BBX: variants seen among roughly 807,000 people sequenced by gnomAD.
BBX encodes BBX high mobility group box domain containing.
BBX carries 30 observed loss-of-function variants against 100.2 expected under a neutral mutation model. That is an observed-to-expected ratio of 0.30 (90% CI 0.22 to 0.41). The LOEUF is 0.41. BBX is among the 10% of genes least tolerant of loss of function. BBX has a pLI of 1.00. For missense variants in BBX, 1,023 were observed against 1,129.8 expected (o/e 0.91, Z 1.35); for synonymous variants, 376 against 388.1 (o/e 0.97, Z 0.37).
chr3:107,659,700 C>T, intron 3 of BBX: 1 of 1,276,310 alleles, frequency 7.8e-7, no homozygotes, highest in Non-Finnish European at 1.0e-6. Flanking sequence ...ACCACACTGC[C>T]TGTAGATTAT....
chr3:107,561,296 G>T (rs2050477649), intron 2 of BBX, among the ~76,000 whole-genome samples: 2 of 152,208 alleles, frequency 1.3e-5, no homozygotes, highest in South Asian at 4.1e-4. Flanking sequence ...TCCATTCCAA[G>T]TGAGGACACA....
intron 3 of BBX, chr3:107,659,585 CAG>C: frequency 2.8e-6 from 1 of 353,288 alleles, no homozygotes. Context: ...AACTGAAGAA[CAG>C]AGAGGTGAAA....
chr3:107,595,651 G>T (rs1391901244), intron 2 of BBX, among the ~76,000 whole-genome samples: 1 of 152,168 alleles, frequency 6.6e-6, no homozygotes, highest in African/African-American at 2.4e-5. Flanking sequence ...TGTGACTCTT[G>T]TTATGTCAGA....
At chr3:107,584,089 C>T (rs896633153) in intron 2 of BBX, among the ~76,000 whole-genome samples, 69 of 5,160 alleles carry the variant, frequency 0.013, 1 homozygote, top group Non-Finnish European at 0.021. Context: ...TTATATATAT[C>T]ATATATTATA....
intron 2 of BBX, among the ~76,000 whole-genome samples, chr3:107,643,925 C>T (rs2057368818): frequency 6.6e-6 from 1 of 152,138 alleles, no homozygotes; most frequent in Non-Finnish European, 1.5e-5. Flanking sequence ...GATGTCTGCT[C>T]TGTGGCTGAT....
intron 5 of BBX, among the ~76,000 whole-genome samples, chr3:107,724,606 A>C (rs2107465683): frequency 6.6e-6 from 1 of 152,302 alleles, no homozygotes; most frequent in Admixed American, 6.5e-5. Flanking sequence ...GAAGGGATCC[A>C]GTTTCAGCTT....
chr3:107,750,327 T>C (rs973657108), intron 9 of BBX, among the ~76,000 whole-genome samples: 2 of 152,124 alleles, frequency 1.3e-5, no homozygotes, highest in Non-Finnish European at 2.9e-5. Context: ...TGAAAACTTA[T>C]TAGGAGTTGT....
chr3:107,606,349 A>G (rs1393561534), intron 2 of BBX, among the ~76,000 whole-genome samples: 1 of 152,220 alleles, frequency 6.6e-6, no homozygotes. Context: ...GCAATAGCAG[A>G]TGTTTGAAAC....
chr3:107,645,239 T>C (rs545721854), intron 2 of BBX, among the ~76,000 whole-genome samples: 1 of 152,322 alleles, frequency 6.6e-6, no homozygotes, highest in South Asian at 2.1e-4. Context: ...CCATTTAATT[T>C]ACATGTACAC....
At chr3:107,802,414 G>A (rs1031780995) in intron 17 of BBX, among the ~76,000 whole-genome samples, 49 of 152,340 alleles carry the variant, frequency 3.2e-4, no homozygotes, top group Non-Finnish European at 6.9e-4. Context: ...GCAAGTGAAT[G>A]CTCACAGACA....
intron 2 of BBX, among the ~76,000 whole-genome samples, chr3:107,568,265 A>ATTTTTTTTTT (rs36099700): frequency 7.6e-6 from 1 of 131,528 alleles, no homozygotes; most frequent in African/African-American, 2.9e-5. Flanking sequence ...ATTTTCTGCT[A>ATTTTTTTTTT]TTTTTTTTTT....
intron 2 of BBX, among the ~76,000 whole-genome samples, chr3:107,587,120 CT>C (rs2052911992): frequency 6.6e-6 from 1 of 152,038 alleles, no homozygotes; most frequent in Non-Finnish European, 1.5e-5. Flanking sequence ...TCTACCATTT[CT>C]TATGAATGTT....
chr3:107,667,238 A>G (rs1046013933), intron 3 of BBX, among the ~76,000 whole-genome samples: 3 of 152,256 alleles, frequency 2.0e-5, no homozygotes. Context: ...GACTGTTATT[A>G]TAATGTGTCT....
chr3:107,603,302 A>G (rs1418187310), intron 2 of BBX, among the ~76,000 whole-genome samples: 1 of 152,082 alleles, frequency 6.6e-6, no homozygotes, highest in South Asian at 2.1e-4. Flanking sequence ...AATGCTATCA[A>G]ACCACATCTC....
chr3:107,689,486 G>T (rs188702923), intron 3 of BBX, among the ~76,000 whole-genome samples: 1 of 152,132 alleles, frequency 6.6e-6, no homozygotes, highest in Admixed American at 6.6e-5. Flanking sequence ...TCAATAAAGC[G>T]TATTTGTTTT....
At chr3:107,661,172 A>G (rs963396527) in intron 3 of BBX, among the ~76,000 whole-genome samples, 1 of 152,194 alleles carries the variant, frequency 6.6e-6, no homozygotes, top group African/African-American at 2.4e-5. Flanking sequence ...TATCTTAAAA[A>G]TATCCTAGTG....
chr3:107,750,038 GTGA>G (rs1181920680), intron 9 of BBX, among the ~76,000 whole-genome samples: 4 of 152,192 alleles, frequency 2.6e-5, no homozygotes, highest in African/African-American at 4.8e-5. Flanking sequence ...CCACCATCCT[GTGA>G]TTCTGCAGGA....
At chr3:107,575,208 T>C (rs1205669232) in intron 2 of BBX, among the ~76,000 whole-genome samples, 3 of 152,214 alleles carry the variant, frequency 2.0e-5, no homozygotes, top group African/African-American at 7.2e-5. Context: ...TTAAAAATAG[T>C]AAAATCCTCC....
At chr3:107,755,561 C>A in intron 9 of BBX, 37 bp from the exon 10 acceptor site, 1 of 1,569,062 alleles carries the variant, frequency 6.4e-7, no homozygotes, top group Non-Finnish European at 8.8e-7. Context: ...TCTGGTATCA[C>A]AACTAATATT....
Sources: allele counts gnomAD v4.1 joint callset (sites outside exome capture counted in the v4.1 genomes callset), GRCh38; gene constraint gnomAD v4.1.1; transcripts MANE v1.5; gene names NCBI Gene and HGNC (gene_info 2026-07-23, HGNC 2026-07-21).